Variants in OXR1 observed in about 807,000 individuals in gnomAD.
OXR1 encodes the protein oxidation resistance protein 1.
In OXR1, 41 loss-of-function variants were observed where a neutral mutation model predicts 104.6. The ratio of observed to expected loss-of-function variants is 0.39; its 90% confidence interval spans 0.31 to 0.51. OXR1 has a LOEUF of 0.51. Among genes scored for constraint, OXR1 ranks in the 20% least tolerant of loss-of-function variants. The pLI is 0.77. For synonymous variants in OXR1, 348 were observed against 348.4 expected (o/e 1.00, Z 0.01); for missense variants, 955 against 1,031.9 (o/e 0.93, Z 1.02).
intron 2 of OXR1, among the ~76,000 whole-genome samples, chr8:106,441,113 T>G (rs1023185281): frequency 6.6e-6 from 1 of 152,120 alleles, no homozygotes; most frequent in Non-Finnish European, 1.5e-5. Flanking sequence ...AAGGAAGGGG[T>G]CCAGTTTCAG....
chr8:106,657,066 G>A lies in OXR1; in HGVS notation c.221-22144G>A, dbSNP rs183678160. Reference sequence around the variant, plus strand: ...ACTACAAACAGATGTGAAAGGAAGAGAATAACCACATCTCACAGGAAGCAA... The same window carrying A: ...ACTACAAACAGATGTGAAAGGAAGAAAATAACCACATCTCACAGGAAGCAA... On this transcript the variant is annotated intron_variant, in intron 3 of 16. Coordinates refer to ENST00000517566, the MANE Select transcript of OXR1 (RefSeq NM_001198533.2). 2.8e-3 allele frequency among the ~76,000 whole-genome samples: 419 copies of A among 152,178 alleles called. 7 individuals carry two copies. Among genetic ancestry groups the A allele is most frequent in the Admixed American group, 0.021 (315 of 15,280 alleles).
At chr8:106,650,036 T>C (rs745633927) in intron 3 of OXR1, among the ~76,000 whole-genome samples, 3 of 152,182 alleles carry the variant, frequency 2.0e-5, no homozygotes, top group Non-Finnish European at 2.9e-5. Context: ...AACAACATAA[T>C]GAATAATGTC....
chr8:106,594,363 C>A (rs1217859870), intron 3 of OXR1, among the ~76,000 whole-genome samples: 2 of 152,126 alleles, frequency 1.3e-5, no homozygotes, highest in East Asian at 3.9e-4. Flanking sequence ...ATGATTAATT[C>A]ATCGTCTGTT....
chr8:106,390,229 G>T (rs1284346984), intron 2 of OXR1, among the ~76,000 whole-genome samples: 1 of 151,986 alleles, frequency 6.6e-6, no homozygotes, highest in Non-Finnish European at 1.5e-5. Context: ...AGGTTTTATA[G>T]ATTTATTTAT....
intron 1 of OXR1, among the ~76,000 whole-genome samples, chr8:106,296,503 T>A (rs906039412): frequency 6.6e-6 from 1 of 152,182 alleles, no homozygotes; most frequent in Non-Finnish European, 1.5e-5. Context: ...TTAAGATAAG[T>A]AACCTAGTCA....
At chr8:106,708,850 T>C (rs570825406) in intron 9 of OXR1, among the ~76,000 whole-genome samples, 1 of 152,250 alleles carries the variant, frequency 6.6e-6, no homozygotes, top group South Asian at 2.1e-4. Context: ...ACCTCCGTAC[T>C]GTTTTCCATA....
intron 2 of OXR1, among the ~76,000 whole-genome samples, chr8:106,419,695 G>A (rs1180577777): frequency 3.9e-5 from 6 of 152,040 alleles, no homozygotes; most frequent in Non-Finnish European, 8.8e-5. Flanking sequence ...CTGGTTCTTT[G>A]TTTCTTATTT....
intron 2 of OXR1, among the ~76,000 whole-genome samples, chr8:106,410,424 T>C (rs1818415930): frequency 6.6e-6 from 1 of 152,158 alleles, no homozygotes; most frequent in African/African-American, 2.4e-5. Flanking sequence ...TTAGTAACTC[T>C]TCCTTAGAAG....
intron 1 of OXR1, among the ~76,000 whole-genome samples, chr8:106,284,481 C>G (rs1384666555): frequency 1.3e-5 from 2 of 152,040 alleles, no homozygotes; most frequent in Admixed American, 1.3e-4. Context: ...GATCAACCAT[C>G]CTTTATTGGC....
intron 7 of OXR1, among the ~76,000 whole-genome samples, chr8:106,697,118 A>G (rs918018002): frequency 1.3e-5 from 2 of 152,160 alleles, no homozygotes; most frequent in African/African-American, 4.8e-5. Context: ...GCCAGGGGGA[A>G]AAAGGAGAGA....
At chr8:106,442,174 T>A (rs1416494796) in intron 2 of OXR1, among the ~76,000 whole-genome samples, 1 of 152,220 alleles carries the variant, frequency 6.6e-6, no homozygotes, top group Non-Finnish European at 1.5e-5. Flanking sequence ...GAGATAATCA[T>A]GTGATTTTGT....
At position 106,683,314 on chromosome 8, in the gene OXR1, C is replaced by CTT; in HGVS notation, c.411+15_411+16dup. 7.5e-7 allele frequency: 1 copy of CTT among 1,341,376 alleles called. No individual in the cohort carries two copies. The highest frequency in any genetic ancestry group is 1.1e-6 in the Non-Finnish European group (1 of 935,248). 83.1% of individuals were successfully genotyped at this position (1,341,376 alleles called of 1,614,324 possible). ...GCAGTTGTTACTGGACAGGTAGTAT[C>CTT]TTTTTTTTAATGTGCTGATGTTTAG... On this transcript the variant is annotated intron_variant, in intron 5 of 16. Transcript: ENST00000517566.
At chr8:106,653,901 A>T (rs3110438) in intron 3 of OXR1, among the ~76,000 whole-genome samples, 2 of 151,826 alleles carry the variant, frequency 1.3e-5, no homozygotes, top group Non-Finnish European at 2.9e-5. Context: ...GTAAGATACA[A>T]GAACAGTATT....
intron 1 of OXR1, among the ~76,000 whole-genome samples, chr8:106,330,185 A>G (rs1242760598): frequency 6.6e-6 from 1 of 152,204 alleles, no homozygotes; most frequent in Non-Finnish European, 1.5e-5. Context: ...GCTTTTATAT[A>G]CTTAACACAA....
intron 2 of OXR1, among the ~76,000 whole-genome samples, chr8:106,459,153 G>A (rs1419868550): frequency 6.6e-6 from 1 of 152,042 alleles, no homozygotes; most frequent in East Asian, 1.9e-4. Context: ...TTCATGTGTT[G>A]GAAACTTAAT....
chr8:106,331,594 T>A (rs929236331), intron 1 of OXR1, among the ~76,000 whole-genome samples: 6 of 152,148 alleles, frequency 3.9e-5, no homozygotes, highest in South Asian at 4.1e-4. Context: ...TCTGAAAAAC[T>A]TTTTATTCTT....
At position 106,706,484 on chromosome 8, in the gene OXR1, T is replaced by C. The variant is rs375717988; in HGVS notation, c.963T>C (p.Asp321=). ...CAAGAATCCGAGATGCAGGTAATGA[T>C]AGTGCCAGCACTGCTCCTAGGAGCA... The part of the protein sequence containing the change: ...IDSRIRDAGN[D]SASTAPRSTE... Residue 321 remains aspartate (D), a synonymous_variant, in exon 9 of 17, where the codon GAT becomes GAC. Coordinates refer to ENST00000517566, the MANE Select transcript of OXR1 (RefSeq NM_001198533.2). 1.0e-5 allele frequency: 16 copies of C among 1,597,058 alleles called. No individual in the cohort carries two copies. The African/African-American group carries it at 1.8e-4, about 18-fold the overall frequency.
intron 2 of OXR1, among the ~76,000 whole-genome samples, chr8:106,453,828 G>A (rs1190948352): frequency 6.6e-6 from 1 of 152,150 alleles, no homozygotes; most frequent in Admixed American, 6.5e-5. Context: ...CATAGCCTAG[G>A]TGCACAATGC....
At chr8:106,511,371 A>G (rs369220384) in intron 2 of OXR1, among the ~76,000 whole-genome samples, 92 of 152,342 alleles carry the variant, frequency 6.0e-4, no homozygotes, top group African/African-American at 2.1e-3. Context: ...TTTAAATAAT[A>G]TTCTTACATT....
Sources: allele counts gnomAD v4.1 joint callset (sites outside exome capture counted in the v4.1 genomes callset), GRCh38; gene constraint gnomAD v4.1.1; transcripts MANE v1.5; gene names NCBI Gene and HGNC (gene_info 2026-07-23, HGNC 2026-07-21).